The following CTNND2 variants were observed in gnomAD, a reference collection of about 807,000 sequenced individuals.
CTNND2 encodes the protein catenin delta 2, also known as catenin delta-2.
A neutral mutation model predicts 144.4 loss-of-function variants in CTNND2; 22 were observed. The observed-to-expected ratio is 0.15, with a 90% CI of 0.11 to 0.22. The LOEUF is 0.22. Among genes scored for constraint, CTNND2 ranks in the 10% least tolerant of loss-of-function variants. The probability of loss-of-function intolerance (pLI) is 1.00; values close to 1 mark genes in which losing one functional copy is unlikely to be tolerated. For missense variants in CTNND2, 1,353 were observed against 1,618.8 expected, an observed-to-expected ratio of 0.84 and a Z score of 2.82; for synonymous variants, 751 against 695.6, an observed-to-expected ratio of 1.08 and a Z score of -1.25.
At chr5:10,982,479 G>A (rs1205017242) in intron 20 of CTNND2, among the ~76,000 whole-genome samples, 1 of 152,192 alleles carries the variant, frequency 6.6e-6, no homozygotes. Context: ...GCTTCTGAAG[G>A]CCCAGAGAGG....
At chr5:11,046,254 T>G (rs570676608) in intron 16 of CTNND2, among the ~76,000 whole-genome samples, 2 of 152,182 alleles carry the variant, frequency 1.3e-5, no homozygotes, top group African/African-American at 4.8e-5. Flanking sequence ...AAGGGGAAAT[T>G]TGGATCCAGA....
intron 10 of CTNND2, among the ~76,000 whole-genome samples, chr5:11,204,446 GT>G (rs1737829693): frequency 6.6e-6 from 1 of 152,102 alleles, no homozygotes; most frequent in East Asian, 1.9e-4. Flanking sequence ...TATCTTCCTT[GT>G]TTTTTCCTTA....
At chr5:11,240,460 AAC>A (rs534618877) in intron 9 of CTNND2, among the ~76,000 whole-genome samples, 24 of 124,790 alleles carry the variant, frequency 1.9e-4, no homozygotes, top group East Asian at 1.0e-3. Flanking sequence ...CACACCCCCC[AAC>A]ACACACACTC....
intron 12 of CTNND2, among the ~76,000 whole-genome samples, chr5:11,151,237 T>C (rs377030750): frequency 6.6e-6 from 1 of 152,244 alleles, no homozygotes; most frequent in Admixed American, 6.5e-5. Flanking sequence ...GCGTTTGGTG[T>C]GCTCTTTCTT....
chr5:11,804,846 AAC>A (rs1235553793), intron 1 of CTNND2, among the ~76,000 whole-genome samples: 1 of 152,182 alleles, frequency 6.6e-6, no homozygotes, highest in Admixed American at 6.5e-5. Flanking sequence ...CATTTTAAAA[AAC>A]ATTTAGGATA....
At chr5:11,086,953 T>C (rs993926776) in intron 15 of CTNND2, among the ~76,000 whole-genome samples, 1 of 152,248 alleles carries the variant, frequency 6.6e-6, no homozygotes, top group Non-Finnish European at 1.5e-5. Flanking sequence ...GTACTAAATA[T>C]TCTCTTCTGA....
chr5:11,133,120 C>A (rs532488336), intron 12 of CTNND2, among the ~76,000 whole-genome samples: 106 of 152,032 alleles, frequency 7.0e-4, no homozygotes, highest in African/African-American at 1.8e-3. Flanking sequence ...GAAAATATCG[C>A]ATATGGAGGT....
At chr5:11,300,757 G>A (rs1157851163) in intron 9 of CTNND2, among the ~76,000 whole-genome samples, 1 of 151,822 alleles carries the variant, frequency 6.6e-6, no homozygotes, top group Non-Finnish European at 1.5e-5. Flanking sequence ...GGCTACCTTA[G>A]ACCCTCTCCA....
intron 3 of CTNND2, among the ~76,000 whole-genome samples, chr5:11,495,381 ATAAT>A (rs78063196): frequency 0.11 from 15,994 of 152,236 alleles, 942 homozygotes; most frequent in Middle Eastern, 0.25. Context: ...CCCCTTTAAA[ATAAT>A]TATTTATTCA....
intron 2 of CTNND2, among the ~76,000 whole-genome samples, chr5:11,586,295 G>A (rs1289750762): frequency 6.6e-6 from 1 of 152,058 alleles, no homozygotes; most frequent in Non-Finnish European, 1.5e-5. Context: ...CTACATCCCA[G>A]GTACTAGTTC....
chr5:11,367,685 AG>A (rs750443234), intron 7 of CTNND2, among the ~76,000 whole-genome samples: 2 of 152,242 alleles, frequency 1.3e-5, no homozygotes, highest in Non-Finnish European at 2.9e-5. Flanking sequence ...AAAATGTTAT[AG>A]ATGTCAAGGC....
intron 3 of CTNND2, among the ~76,000 whole-genome samples, chr5:11,547,002 G>A (rs1775292540): frequency 6.6e-6 from 1 of 152,164 alleles, no homozygotes; most frequent in African/African-American, 2.4e-5. Flanking sequence ...GTCAAGCACA[G>A]TGGCTCAAAC....
intron 3 of CTNND2, among the ~76,000 whole-genome samples, chr5:11,458,634 A>C (rs1475191545): frequency 1.3e-5 from 2 of 152,272 alleles, no homozygotes; most frequent in Non-Finnish European, 1.5e-5. Flanking sequence ...AGGAGAACAG[A>C]AGTTCTACAA....
intron 2 of CTNND2, among the ~76,000 whole-genome samples, chr5:11,684,141 A>G (rs113929379): frequency 0.023 from 3,413 of 151,260 alleles, 47 homozygotes; most frequent in East Asian, 0.058. Flanking sequence ...TCGCTCTGTC[A>G]TCCAGGCTGG....
In CTNND2 at chr5:11,464,505, C is replaced by A. The variant is rs552508971; in HGVS notation, c.288-52436G>T. On this transcript the variant is annotated intron_variant, in intron 3 of 21. Transcript: ENST00000304623. ...TTAGTGGGGGCAACAGGGCTCCAGA[C>A]AACTAGGGCACAGTCATTGTTAGAG... Among the ~76,000 whole-genome samples, 56 of 152,258 alleles carry A rather than the reference C, an allele frequency of 3.7e-4. No individual in the cohort carries two copies. The South Asian group carries it at 8.7e-3, about 24-fold the overall frequency.
chr5:11,744,668 A>AGTGTGT (rs529940170), intron 1 of CTNND2, among the ~76,000 whole-genome samples: 2 of 98,654 alleles, frequency 2.0e-5, no homozygotes, highest in African/African-American at 6.2e-5. Context: ...CTTGAAGAGG[A>AGTGTGT]GTGTGTGTGT....
intron 2 of CTNND2, among the ~76,000 whole-genome samples, chr5:11,611,607 G>C (rs998636187): frequency 1.3e-5 from 2 of 151,926 alleles, no homozygotes; most frequent in Non-Finnish European, 2.9e-5. Flanking sequence ...GTGAAACCCC[G>C]ACTCTAATAC....
intron 1 of CTNND2, among the ~76,000 whole-genome samples, chr5:11,867,130 C>T (rs1222075095): frequency 1.3e-5 from 2 of 152,194 alleles, no homozygotes; most frequent in Non-Finnish European, 2.9e-5. Flanking sequence ...GACTATCCAG[C>T]TGGTTGGCTG....
intron 7 of CTNND2, among the ~76,000 whole-genome samples, chr5:11,374,361 A>G (rs972248468): frequency 1.3e-5 from 2 of 152,160 alleles, no homozygotes; most frequent in Non-Finnish European, 2.9e-5. Context: ...TTAATCTATG[A>G]AGGTTAATTT....
Sources: gnomAD v4.1 joint callset for allele counts (sites outside exome capture counted in the v4.1 genomes callset) on GRCh38, gnomAD v4.1.1 for gene constraint, MANE v1.5 for transcripts, NCBI Gene and HGNC (gene_info 2026-07-23, HGNC 2026-07-21) for gene names.